The following TSHZ2 variants were observed in gnomAD, a reference collection of about 807,000 sequenced individuals.
The protein encoded by TSHZ2 is teashirt homolog 2.
TSHZ2 carries 21 observed loss-of-function variants against 74.4 expected under a neutral mutation model. The ratio of observed to expected loss-of-function variants is 0.28; its 90% confidence interval spans 0.20 to 0.41. The LOEUF is 0.41. TSHZ2 is among the 10% of genes least tolerant of loss of function. TSHZ2 has a pLI of 1.00. For missense variants in TSHZ2, 1,244 were observed against 1,293.5 expected (o/e 0.96, Z 0.59); for synonymous variants, 540 against 515.3 (o/e 1.05, Z -0.65).
intron 1 of TSHZ2, among the ~76,000 whole-genome samples, chr20:53,044,004 G>A (rs1283447197): frequency 6.6e-6 from 1 of 152,202 alleles, no homozygotes; most frequent in Non-Finnish European, 1.5e-5. Flanking sequence ...CATTCTCTAT[G>A]AGAGGGTATG....
chr20:53,350,587 T>C (rs540688081), intron 2 of TSHZ2, among the ~76,000 whole-genome samples: 8 of 152,318 alleles, frequency 5.3e-5, no homozygotes, highest in African/African-American at 1.7e-4. Flanking sequence ...AGCACAGTCC[T>C]CCAGTGCACC....
chr20:53,348,613 C>T (rs551600148), intron 2 of TSHZ2, among the ~76,000 whole-genome samples: 100 of 152,044 alleles, frequency 6.6e-4, no homozygotes, highest in African/African-American at 2.3e-3. Flanking sequence ...ATTTTGGAGG[C>T]GGGGAGGATC....
chr20:53,164,910 G>A (rs1988031382), intron 1 of TSHZ2, among the ~76,000 whole-genome samples: 1 of 152,180 alleles, frequency 6.6e-6, no homozygotes, highest in South Asian at 2.1e-4. Context: ...CGCTTAGAGG[G>A]ACCTAATATC....
intron 2 of TSHZ2, among the ~76,000 whole-genome samples, chr20:53,267,073 C>T (rs369162084): frequency 2.6e-5 from 4 of 152,162 alleles, no homozygotes; most frequent in East Asian, 3.8e-4. Context: ...CCACCACGCC[C>T]GGCCTCGATG....
chr20:53,194,313 C>T (rs897812827), intron 1 of TSHZ2, among the ~76,000 whole-genome samples: 2 of 152,188 alleles, frequency 1.3e-5, no homozygotes, highest in African/African-American at 4.8e-5. Flanking sequence ...CAGCCTCCCA[C>T]GAGGTAGGAT....
intron 1 of TSHZ2, among the ~76,000 whole-genome samples, chr20:53,205,107 C>A (rs1007502712): frequency 2.0e-4 from 29 of 148,400 alleles, no homozygotes; most frequent in African/African-American, 7.0e-4. Flanking sequence ...AAAAAAAAAA[C>A]CTAAGAAACT....
chr20:53,232,727 C>T (rs1009723671), intron 1 of TSHZ2, among the ~76,000 whole-genome samples: 1 of 152,112 alleles, frequency 6.6e-6, no homozygotes, highest in Non-Finnish European at 1.5e-5. Flanking sequence ...GAGACCCCCC[C>T]TCTAGAAAAA....
rs533569220 is a variant in TSHZ2 at position 53,026,547 on chromosome 20, T to C, written c.40+53214T>C. Among the ~76,000 whole-genome samples, 16 of 152,166 alleles carry C rather than the reference T, an allele frequency of 1.1e-4. 1 individual carries two copies. The highest frequency in any genetic ancestry group is 3.9e-4 in the African/African-American group (16 of 41,494). ...CTCATATTCTTTAAAAAAATTTTTT[T>C]CTAAGACAAGCCAACAAAACTTCTA... On this transcript the variant is annotated intron_variant, in intron 1 of 2. Coordinates refer to ENST00000371497, the MANE Select transcript of TSHZ2 (RefSeq NM_173485.6).
At chr20:53,397,327 A>T (rs567245787) in intron 2 of TSHZ2, among the ~76,000 whole-genome samples, 2 of 152,310 alleles carry the variant, frequency 1.3e-5, no homozygotes, top group East Asian at 3.8e-4. Flanking sequence ...ATATGAACAG[A>T]CACTTCTCAA....
intron 2 of TSHZ2, among the ~76,000 whole-genome samples, chr20:53,465,353 C>A (rs6068554): frequency 0.35 from 53,469 of 151,896 alleles, 9,580 homozygotes; most frequent in Admixed American, 0.36. Context: ...TCACAGCAAC[C>A]TCTGCCTCCT....
chr20:53,298,404 A>G (rs1966824660), intron 2 of TSHZ2, among the ~76,000 whole-genome samples: 2 of 152,240 alleles, frequency 1.3e-5, no homozygotes, highest in Admixed American at 1.3e-4. Flanking sequence ...TGGATGGACT[A>G]TGTGGACGGG....
chr20:53,234,055 G>A (rs16997779), intron 1 of TSHZ2, among the ~76,000 whole-genome samples: 5,654 of 152,222 alleles, frequency 0.037, 240 homozygotes, highest in East Asian at 0.21. Context: ...GTATTTTTCT[G>A]ATTAAGAAGC....
At chr20:53,247,942 C>G (rs1990243711) in intron 1 of TSHZ2, among the ~76,000 whole-genome samples, 1 of 152,168 alleles carries the variant, frequency 6.6e-6, no homozygotes. Flanking sequence ...AAACGTATAC[C>G]TAGCAAAAGT....
At chr20:53,079,298 G>A (rs1302055922) in intron 1 of TSHZ2, among the ~76,000 whole-genome samples, 1 of 152,172 alleles carries the variant, frequency 6.6e-6, no homozygotes, top group Non-Finnish European at 1.5e-5. Context: ...AGACCAATGG[G>A]AGGAGAAGCC....
chr20:52,973,142 A>T lies in TSHZ2; in HGVS notation c.-152A>T. 2.1e-6 allele frequency: 2 copies of T among 952,258 alleles called. No individual in the cohort carries two copies. Among genetic ancestry groups the T allele is most frequent in the Non-Finnish European group, 3.1e-6 (2 of 641,536 alleles). The allele number at this position is 952,258 out of a possible 1,614,324, so 59.0% of individuals were successfully genotyped here. On this transcript the variant is annotated 5_prime_UTR_variant, in exon 1 of 3. Transcript: ENST00000371497. ...CTCTGGCCCGTGGTGGAGGAGTTGCAGGGGGGATCGTCAGGGGGACAGAGG... is the reference window on the plus strand; with the variant it reads ...CTCTGGCCCGTGGTGGAGGAGTTGCTGGGGGGATCGTCAGGGGGACAGAGG...
At chr20:52,996,307 T>TTTTA (rs56169663) in intron 1 of TSHZ2, among the ~76,000 whole-genome samples, 32,244 of 145,130 alleles carry the variant, frequency 0.22, 3,859 homozygotes, top group East Asian at 0.41. Flanking sequence ...CCTTTCAGGT[T>TTTTA]TTTATTTATT....
chr20:53,428,955 G>A (rs1983746864), intron 2 of TSHZ2, among the ~76,000 whole-genome samples: 1 of 152,188 alleles, frequency 6.6e-6, no homozygotes, highest in African/African-American at 2.4e-5. Context: ...CCAGGTAGAT[G>A]GTTGTATCTC....
At chr20:53,436,018 C>T (rs753295328) in intron 2 of TSHZ2, among the ~76,000 whole-genome samples, 28 of 152,216 alleles carry the variant, frequency 1.8e-4, no homozygotes, top group Non-Finnish European at 1.9e-4. Flanking sequence ...GTAACAAGTG[C>T]TCCGTCAATT....
chr20:52,995,672 G>C (rs1474367809), intron 1 of TSHZ2, among the ~76,000 whole-genome samples: 2 of 150,104 alleles, frequency 1.3e-5, no homozygotes, highest in Non-Finnish European at 3.0e-5. Context: ...GAGTGCAGTG[G>C]TGCAATCTTG....
Sources: allele counts gnomAD v4.1 joint callset (sites outside exome capture counted in the v4.1 genomes callset), GRCh38; gene constraint gnomAD v4.1.1; transcripts MANE v1.5; gene names NCBI Gene and HGNC (gene_info 2026-07-23, HGNC 2026-07-21).